Variants in NMBR observed in about 807,000 individuals in gnomAD.
The protein encoded by NMBR is neuromedin B receptor, also known as neuromedin-B receptor.
In NMBR, 16 loss-of-function variants were observed where a neutral mutation model predicts 20.5. The observed-to-expected ratio is 0.78, with a 90% CI of 0.53 to 1.19. The LOEUF is 1.19. Ranked by LOEUF, NMBR falls within the 50% of genes most tolerant of loss-of-function variation. The pLI, the probability that NMBR is intolerant of heterozygous loss-of-function variation, is 0.00. For missense variants in NMBR, 582 were observed against 499.1 expected (o/e 1.17, Z -1.58); for synonymous variants, 212 against 196.6 (o/e 1.08, Z -0.65).
At chr6:142,085,115 A>G (rs999464527) in intron 2 of NMBR, among the ~76,000 whole-genome samples, 4 of 152,308 alleles carry the variant, frequency 2.6e-5, no homozygotes, top group Middle Eastern at 6.8e-3. Flanking sequence ...TCCTCCAGCC[A>G]TACTGGTTAT....
chr6:142,126,344 A>G (rs1778038112), intron 1 of NMBR, among the ~76,000 whole-genome samples: 1 of 151,502 alleles, frequency 6.6e-6, no homozygotes, highest in African/African-American at 2.4e-5. Flanking sequence ...TACCTTGGCT[A>G]TTGTTGAATC....
At chr6:142,106,049 A>G (rs1005563409) in intron 1 of NMBR, among the ~76,000 whole-genome samples, 1 of 152,162 alleles carries the variant, frequency 6.6e-6, no homozygotes. Flanking sequence ...TTGGAACTAA[A>G]CACAAGAACC....
chr6:142,105,402 G>C (rs1393401536), intron 1 of NMBR, among the ~76,000 whole-genome samples: 5 of 152,114 alleles, frequency 3.3e-5, no homozygotes, highest in Non-Finnish European at 7.4e-5. Context: ...TTTATGTTGT[G>C]TATTATCAAT....
At chr6:142,090,503 AC>A (rs1777303673) in intron 1 of NMBR, among the ~76,000 whole-genome samples, 2 of 151,360 alleles carry the variant, frequency 1.3e-5, no homozygotes, top group South Asian at 2.1e-4. Flanking sequence ...GAATTTCACT[AC>A]TTAAAATAAT....
intron 2 of NMBR, among the ~76,000 whole-genome samples, chr6:142,082,538 C>T (rs575994138): frequency 6.6e-6 from 1 of 152,194 alleles, no homozygotes; most frequent in Non-Finnish European, 1.5e-5. Flanking sequence ...TGTAGAGTTA[C>T]TAATGCAGAA....
chr6:142,076,552 A>T (rs1216630609), intron 3 of NMBR, among the ~76,000 whole-genome samples: 9 of 152,208 alleles, frequency 5.9e-5, no homozygotes, highest in Admixed American at 3.9e-4. Flanking sequence ...CCTGACTTAC[A>T]CAAATCAAAA....
chr6:142,135,003 A>G, intron 1 of NMBR: 1 of 451,470 alleles, frequency 2.2e-6, no homozygotes, highest in East Asian at 3.4e-5. Context: ...ACAATTTCAA[A>G]ACAAACTTAC....
At chr6:142,082,026 ATAAT>A (rs1245287962) in intron 2 of NMBR, among the ~76,000 whole-genome samples, 1 of 152,186 alleles carries the variant, frequency 6.6e-6, no homozygotes, top group Non-Finnish European at 1.5e-5. Context: ...ATGTAAAGAG[ATAAT>A]TAAGTTTAAT....
At chr6:142,144,347 G>A (rs781406670) in intron 1 of NMBR, among the ~76,000 whole-genome samples, 21 of 152,076 alleles carry the variant, frequency 1.4e-4, no homozygotes, top group Non-Finnish European at 2.1e-4. Context: ...CTGACCAAAC[G>A]GACACAGAAT....
At chr6:142,078,035 G>A (rs543554420) in intron 3 of NMBR, among the ~76,000 whole-genome samples, 1 of 152,266 alleles carries the variant, frequency 6.6e-6, no homozygotes, top group South Asian at 2.1e-4. Context: ...CCCACCTTTG[G>A]ATTGCACCTT....
chr6:142,112,573 A>G (rs1185011436), intron 1 of NMBR, among the ~76,000 whole-genome samples: 1 of 152,180 alleles, frequency 6.6e-6, no homozygotes, highest in Non-Finnish European at 1.5e-5. Flanking sequence ...CAACATCCTT[A>G]TTTCTAAACT....
At chr6:142,139,213 C>CA (rs1241857524) in intron 1 of NMBR, among the ~76,000 whole-genome samples, 1 of 152,072 alleles carries the variant, frequency 6.6e-6, no homozygotes, top group Non-Finnish European at 1.5e-5. Flanking sequence ...ATCACTTTTC[C>CA]AAAAAATCCC....
At chr6:142,120,934 AT>A (rs1777935490) in intron 1 of NMBR, among the ~76,000 whole-genome samples, 1 of 151,896 alleles carries the variant, frequency 6.6e-6, no homozygotes, top group African/African-American at 2.4e-5. Flanking sequence ...CAGATACTGC[AT>A]TTTTTACAAA....
chr6:142,147,112 C>G lies in NMBR; in HGVS notation c.-732G>C. ...GCTCGGGTCTTCTGTGGGTTCTAAC[C>G]GCCGAGAGCCAAGCACCCTGAGGTT... On this transcript the variant is annotated 5_prime_UTR_variant, in exon 1 of 4. Coordinates refer to ENST00000258042, the MANE Select transcript of NMBR (RefSeq NM_002511.4). 5 of 643,368 alleles carry G rather than the reference C, an allele frequency of 7.8e-6. No individual in the cohort carries two copies. The highest frequency in any genetic ancestry group is 3.8e-5 in the South Asian group (2 of 52,696). The allele number at this position is 643,368 out of a possible 1,614,324, so 39.9% of individuals were successfully genotyped here.
rs1426931503 is a variant in NMBR at position 142,078,594 on chromosome 6, G to T, written c.732C>A (p.His244Gln). Reference sequence around the variant, plus strand: ...GTTCATTGTATTCTCCAGGAAGATTGTGTGCGCTTTTAATTAAGGTCTTTG... The same window carrying T: ...GTTCATTGTATTCTCCAGGAAGATTTTGTGCGCTTTTAATTAAGGTCTTTG... ...HIAKTLIKSA[H>Q]NLPGEYNEHT... Residue 244 changes from histidine (H) to glutamine (Q), a missense_variant, in exon 3 of 4, where the codon CAC becomes CAA. Coordinates refer to ENST00000258042, the MANE Select transcript of NMBR (RefSeq NM_002511.4). The T allele has an allele frequency of 1.2e-6, 2 of 1,608,908 alleles. No homozygotes were observed. Among genetic ancestry groups the T allele is most frequent in the Non-Finnish European group, 1.7e-6 (2 of 1,177,430 alleles).
intron 1 of NMBR, among the ~76,000 whole-genome samples, chr6:142,136,160 G>C (rs1011779473): frequency 3.9e-5 from 6 of 152,156 alleles, no homozygotes; most frequent in African/African-American, 1.4e-4. Context: ...AGCATCTGTT[G>C]TTTCCTGACT....
chr6:142,113,424 A>T (rs539839115), intron 1 of NMBR, among the ~76,000 whole-genome samples: 1 of 152,316 alleles, frequency 6.6e-6, no homozygotes, highest in Non-Finnish European at 1.5e-5. Context: ...AATGTGGTTA[A>T]GTATCAAGTT....
chr6:142,101,812 A>G (rs1228192553), intron 1 of NMBR, among the ~76,000 whole-genome samples: 2 of 152,170 alleles, frequency 1.3e-5, no homozygotes, highest in Non-Finnish European at 2.9e-5. Context: ...CTCAGTTACC[A>G]TCACTTTGGG....
intron 1 of NMBR, among the ~76,000 whole-genome samples, chr6:142,091,004 T>C (rs188975987): frequency 8.5e-4 from 130 of 152,310 alleles, no homozygotes; most frequent in African/African-American, 2.8e-3. Context: ...TTCTTCATTT[T>C]AAGTAAATTT....
Sources: gnomAD v4.1 joint callset for allele counts (sites outside exome capture counted in the v4.1 genomes callset) on GRCh38, gnomAD v4.1.1 for gene constraint, MANE v1.5 for transcripts, NCBI Gene and HGNC (gene_info 2026-07-23, HGNC 2026-07-21) for gene names.